Variants in ITPKB observed in about 807,000 individuals in gnomAD.
The protein encoded by ITPKB is IP3 3-kinase B.
Under a neutral mutation model 69.4 loss-of-function variants are expected in ITPKB, and 13 were observed. The ratio of observed to expected loss-of-function variants is 0.19; its 90% CI spans 0.12 to 0.30. The LOEUF (loss-of-function observed/expected upper bound fraction) is 0.30. ITPKB is among the 10% of genes least tolerant of loss of function. The probability of loss-of-function intolerance (pLI) is 1.00; values close to 1 mark genes in which losing one functional copy is unlikely to be tolerated. For synonymous variants in ITPKB, 584 were observed against 513.7 expected (o/e 1.14, Z -1.85); for missense variants, 1,240 against 1,250.5 (o/e 0.99, Z 0.13).
At chr1:226,652,644 G>A (rs890070626) in intron 2 of ITPKB, among the ~76,000 whole-genome samples, 7 of 152,222 alleles carry the variant, frequency 4.6e-5, no homozygotes, top group Non-Finnish European at 2.9e-5. Flanking sequence ...GCCTTCAAAT[G>A]CCTTGAACGT....
At chr1:226,728,423 T>C (rs1657486813) in intron 2 of ITPKB, among the ~76,000 whole-genome samples, 1 of 152,216 alleles carries the variant, frequency 6.6e-6, no homozygotes, top group African/African-American at 2.4e-5. Context: ...GTCAAAAGCC[T>C]GAGTGTTGGC....
rs745416833 is a variant in ITPKB at position 226,634,771 on chromosome 1, A to G, written c.2741T>C (p.Val914Ala). 1.4e-6 allele frequency: 2 copies of G among 1,469,946 alleles called. No individual in the cohort carries two copies. Among genetic ancestry groups the G allele is most frequent in the South Asian group, 2.3e-5 (2 of 88,196 alleles). 91.1% of individuals were successfully genotyped at this position (1,469,946 alleles called of 1,614,324 possible). ...LPEGQTLQHDVPWQEGNREDG... is the reference protein window; with the variant it reads ...LPEGQTLQHDAPWQEGNREDG... The stretch of plus-strand genomic sequence containing the variant: ...CTCCCGGTTCCCCTCCTGCCAGGGG[A>G]CGTCATGCTGCAGGGTCTGGCCCTC... The change falls in exon 8 of 8, where the codon GTC (valine) becomes GCC (alanine). Residue 914 changes from valine (V) to alanine (A), a missense_variant. This residue lies in a region of ITPKB where 248 missense variants were observed against 396.7 expected (regional missense o/e 0.63). Transcript: ENST00000429204. This position sits in a 1 kb window ranked among gnomAD's most constrained non-coding sequence, Gnocchi z 6.3.
intron 5 of ITPKB, among the ~76,000 whole-genome samples, chr1:226,640,597 G>A (rs576927744): frequency 1.3e-4 from 20 of 152,318 alleles, no homozygotes; most frequent in Non-Finnish European, 2.1e-4. Context: ...CTGTTCTGAC[G>A]GCTGGACAAT....
intron 2 of ITPKB, among the ~76,000 whole-genome samples, chr1:226,663,044 T>C (rs1007609819): frequency 1.3e-5 from 2 of 152,062 alleles, no homozygotes; most frequent in African/African-American, 4.8e-5. Flanking sequence ...AGGAAACGGG[T>C]TGCCAAAAAG....
At chr1:226,708,625 C>G (rs146153091) in intron 2 of ITPKB, among the ~76,000 whole-genome samples, 16 of 152,362 alleles carry the variant, frequency 1.1e-4, no homozygotes, top group Non-Finnish European at 2.1e-4. Context: ...TAGCACCCAT[C>G]TGGCAACCAC....
intron 2 of ITPKB, among the ~76,000 whole-genome samples, chr1:226,704,273 ATTG>A (rs773119657): frequency 3.9e-5 from 6 of 152,244 alleles, no homozygotes; most frequent in African/African-American, 7.2e-5. Context: ...ATTACAAAGC[ATTG>A]TTAACTCTCA....
At chr1:226,654,290 G>A (rs541599119) in intron 2 of ITPKB, among the ~76,000 whole-genome samples, 43 of 152,244 alleles carry the variant, frequency 2.8e-4, no homozygotes, top group African/African-American at 6.3e-4. Context: ...AGTCAGAGGC[G>A]AAGGGAGCTT....
At chr1:226,647,462 C>T in intron 3 of ITPKB, 82 bp from the exon 4 acceptor site, 3 of 1,013,014 alleles carry the variant, frequency 3.0e-6, no homozygotes, top group East Asian at 5.2e-5. Context: ...GGGTCTGGGC[C>T]TCCCTGGGGA....
At chr1:226,712,127 C>G (rs1333025515) in intron 2 of ITPKB, among the ~76,000 whole-genome samples, 1 of 152,146 alleles carries the variant, frequency 6.6e-6, no homozygotes, top group Non-Finnish European at 1.5e-5. Context: ...TTATATATAG[C>G]ACCTGTGTCT....
chr1:226,703,861 G>C (rs749728060), intron 2 of ITPKB, among the ~76,000 whole-genome samples: 1 of 152,208 alleles, frequency 6.6e-6, no homozygotes, highest in Non-Finnish European at 1.5e-5. Context: ...ACTTTTTGTA[G>C]GGTTGAACTG....
chr1:226,687,750 G>C (rs188238835), intron 2 of ITPKB, among the ~76,000 whole-genome samples: 10 of 152,342 alleles, frequency 6.6e-5, no homozygotes, highest in African/African-American at 2.4e-4. Flanking sequence ...CCAACTGTGG[G>C]AAGGATCTCT....
chr1:226,715,269 C>T (rs201478934), intron 2 of ITPKB, among the ~76,000 whole-genome samples: 22 of 152,332 alleles, frequency 1.4e-4, no homozygotes, highest in East Asian at 3.9e-4. Flanking sequence ...ATGGGTAAAG[C>T]GTTAGTTCAC....
chr1:226,736,274 C>T lies in ITPKB; in HGVS notation c.1185G>A (p.Glu395=). The T allele has an allele frequency of 6.3e-7, 1 of 1,586,978 alleles. No individual in the cohort carries two copies. The highest frequency in any genetic ancestry group is 8.6e-7 in the Non-Finnish European group (1 of 1,168,904). Residue 395 remains glutamate, a synonymous_variant, in exon 2 of 8, where the codon GAG becomes GAA. Coordinates refer to ENST00000429204, the MANE Select transcript of ITPKB (RefSeq NM_002221.4). ...GEPEVGKRPE[E]TTVSVQSAES... ...CTGCGCTTTGCACGCTCACAGTCGT[C>T]TCCTCTGGCCTTTTGCCCACTTCAG...
Position 226,713,000 on chromosome 1 carries a change from C to A in ITPKB, c.1932+22527G>T, listed in dbSNP as rs576852151. On this transcript the variant is annotated intron_variant, in intron 2 of 7. Coordinates refer to ENST00000429204, the MANE Select transcript of ITPKB (RefSeq NM_002221.4). Reference sequence around the variant, plus strand: ...TTATCTACACACCCACATATCTACACCCATACATGCATGCATGCACGTAAA... The same window carrying A: ...TTATCTACACACCCACATATCTACAACCATACATGCATGCATGCACGTAAA... Among the ~76,000 whole-genome samples, 6 of 152,270 alleles carry A rather than the reference C, an allele frequency of 3.9e-5. No homozygotes were observed. The South Asian group carries it at 1.0e-3, about 26-fold the overall frequency.
chr1:226,719,172 G>A lies in ITPKB; in HGVS notation c.1932+16355C>T, dbSNP rs549946767. ...CGTACGCCTGTAATCCCAGCTACTC[G>A]GGAGGCTGAGGCACTAGAATCACTT... On this transcript the variant is annotated intron_variant, in intron 2 of 7. Coordinates refer to ENST00000429204, the MANE Select transcript of ITPKB (RefSeq NM_002221.4). Among the ~76,000 whole-genome samples the A allele has an allele frequency of 5.9e-5, 9 of 152,282 alleles. No homozygotes were observed. In the South Asian group the frequency reaches 6.2e-4, roughly 11 times the overall value.
Position 226,631,727 on chromosome 1 carries a change from T to C in ITPKB, c.*2944A>G, listed in dbSNP as rs573911000. On this transcript the variant is annotated 3_prime_UTR_variant, in exon 8 of 8. Transcript: ENST00000429204. Reference sequence around the variant, plus strand: ...CTTTATTCAGGAAGGTTTGCATCTGTTTGACAGGCACTGTGCAGGGGTTTG... The same window carrying C: ...CTTTATTCAGGAAGGTTTGCATCTGCTTGACAGGCACTGTGCAGGGGTTTG... The C allele has an allele frequency of 7.2e-4, 110 of 152,744 alleles. No homozygotes were observed. Among genetic ancestry groups the C allele is most frequent in the Non-Finnish European group, 1.1e-3 (72 of 68,084 alleles). 9.5% of individuals were successfully genotyped at this position (152,744 alleles called of 1,614,324 possible). A position where few individuals can be genotyped will look rare whatever the true frequency, so the allele number is the denominator to read the frequency against.
rs373993512 is a variant in ITPKB, at chr1:226,649,535, TGTGTGCATGC to T, written c.1933-774_1933-765del. On this transcript the variant is annotated intron_variant, in intron 2 of 7. Transcript: ENST00000429204. The stretch of plus-strand genomic sequence containing the variant: ...TGTGCATGTGTGTGATGTGTGCATG[TGTGTGCATGC>T]GTGTGTGATATGCACATATGTGTGC... Among the ~76,000 whole-genome samples, 649 of 151,742 alleles carry T rather than the reference TGTGTGCATGC, an allele frequency of 4.3e-3. 7 individuals are homozygous for T. The highest frequency in any genetic ancestry group is 0.014 in the African/African-American group (595 of 41,344).
At chr1:226,723,152 C>T (rs1334004564) in intron 2 of ITPKB, among the ~76,000 whole-genome samples, 1 of 151,990 alleles carries the variant, frequency 6.6e-6, no homozygotes, top group East Asian at 1.9e-4. Flanking sequence ...AGCTGGTGTG[C>T]TCGGGGTTCA....
intron 2 of ITPKB, among the ~76,000 whole-genome samples, chr1:226,655,323 T>C (rs1046232637): frequency 6.6e-6 from 1 of 152,242 alleles, no homozygotes; most frequent in East Asian, 1.9e-4. Context: ...GGGGCCCTTC[T>C]CATGCCCTGT....
Sources: gnomAD v4.1 joint callset for allele counts (sites outside exome capture counted in the v4.1 genomes callset) on GRCh38, gnomAD v4.1.1 for gene constraint, gnomAD v4.1.1 regional missense constraint, Gnocchi (gnomAD v3.1) non-coding constraint, MANE v1.5 for transcripts, NCBI Gene and HGNC (gene_info 2026-07-23, HGNC 2026-07-21) for gene names.